IFT57: variants seen among roughly 807,000 people sequenced by gnomAD.
IFT57 encodes the protein intraflagellar transport protein 57 homolog.
IFT57 carries 59 observed loss-of-function variants against 56.8 expected under a neutral mutation model. The observed-to-expected ratio is 1.04, with a 90% CI of 0.84 to 1.29. The LOEUF (loss-of-function observed/expected upper bound fraction) is 1.29, where lower values mean the gene tolerates loss of function less well. Among genes scored for constraint, IFT57 ranks in the 50% most tolerant of loss-of-function variants. The pLI is 0.00. For missense variants in IFT57, 470 were observed against 522.1 expected (o/e 0.90, Z 0.97); for synonymous variants, 209 against 186.1 (o/e 1.12, Z -1.00).
chr3:108,178,891 A>AATTCCAGTAGAAATGTGTAC (rs149033895), intron 6 of IFT57, among the ~76,000 whole-genome samples: 8 of 151,708 alleles, frequency 5.3e-5, no homozygotes, highest in African/African-American at 1.9e-4. Context: ...TCCTAGCAGA[A>AATTCCAGTAGAAATGTGTAC]ATTCCAGTAG....
intron 5 of IFT57, among the ~76,000 whole-genome samples, chr3:108,200,410 A>G (rs113024782): frequency 6.6e-6 from 1 of 152,234 alleles, no homozygotes; most frequent in African/African-American, 2.4e-5. Flanking sequence ...GATGAATCAG[A>G]CATATATTCA....
At chr3:108,167,653 T>C in intron 7 of IFT57, 140 bp downstream of exon 7, 1 of 375,806 alleles carries the variant, frequency 2.7e-6, no homozygotes. Context: ...GTAAGGTCAG[T>C]TGAAATGTAA....
chr3:108,208,204 G>T (rs1020065394), intron 4 of IFT57, among the ~76,000 whole-genome samples: 11 of 152,098 alleles, frequency 7.2e-5, no homozygotes, highest in East Asian at 5.8e-4. Flanking sequence ...TTTAGAGTGG[G>T]GTAGTAGGAC....
rs1360889131 is a variant in IFT57 at position 108,167,777 on chromosome 3, A to G, written c.849+16T>C. On this transcript the variant is annotated intron_variant, in intron 7 of 10. Transcript: ENST00000264538. The stretch of plus-strand genomic sequence containing the variant: ...TGAGTAAATGTACATTGATTCACGT[A>G]AAGTAATTCATATACCTTGGTCTCC... The G allele has an allele frequency of 3.3e-6, 5 of 1,503,596 alleles. No homozygotes were observed. Among genetic ancestry groups the G allele is most frequent in the Middle Eastern group, 3.5e-4 (2 of 5,722 alleles). The allele number at this position is 1,503,596 out of a possible 1,614,324, so 93.1% of individuals were successfully genotyped here.
rs756409449 is a variant in IFT57, at chr3:108,166,893, C to T, written c.942G>A (p.Leu314=). The change falls in exon 8 of 11, where the codon TTG becomes TTA. Residue 314 remains leucine, a synonymous_variant. Transcript: ENST00000264538. ...CTTGAGCTGCACGATATTCTTGAAC[C>T]AAATTCTCAAGCTGATTGTTGATGT... ...EKYINNQLEN[L]VQEYRAAQAQ... is the part of the protein sequence containing the mutation. 1.6e-5 allele frequency: 26 copies of T among 1,611,246 alleles called. No homozygotes were observed. The highest frequency in any genetic ancestry group is 2.0e-5 in the Non-Finnish European group (24 of 1,178,400).
In IFT57 at chr3:108,167,177, G is replaced by C. The variant is rs1438612173; in HGVS notation, c.850-192C>G. ...TTTAACCACACTTAGAAGAGTTTTAGAATAAAAATGCACCTGGCAGTGTTA... is the reference window on the plus strand; with the variant it reads ...TTTAACCACACTTAGAAGAGTTTTACAATAAAAATGCACCTGGCAGTGTTA... On this transcript the variant is annotated intron_variant, in intron 7 of 10. Coordinates refer to ENST00000264538, the MANE Select transcript of IFT57 (RefSeq NM_018010.4). The C allele has an allele frequency of 5.8e-6, 3 of 520,964 alleles. No homozygotes were observed. The African/African-American group carries it at 5.8e-5, about 10-fold the overall frequency. 32.3% of individuals were successfully genotyped at this position (520,964 alleles called of 1,614,324 possible).
chr3:108,214,021 C>T lies in IFT57; in HGVS notation c.495G>A (p.Arg165=), dbSNP rs201220433. 2.3e-4 allele frequency: 356 copies of T among 1,561,370 alleles called. 2 individuals are homozygous for T. The highest frequency in any genetic ancestry group is 1.6e-5 in the Non-Finnish European group (18 of 1,134,220). The stretch of plus-strand genomic sequence containing the variant: ...CTAATTCTTCTACTGGGTATATTGG[C>T]CTAAAATAATAAGATTAAACATGAG... The part of the protein sequence containing the change: ...ALKYIGFTWK[R]PIYPVEELEE... The change falls in exon 4 of 11, where the codon AGG becomes AGA. Residue 165 remains arginine, a splice_region_variant and synonymous_variant. Coordinates refer to ENST00000264538, the MANE Select transcript of IFT57 (RefSeq NM_018010.4).
At chr3:108,165,570 G>T in intron 8 of IFT57, 77 bp from the exon 9 acceptor site, 1 of 1,070,822 alleles carries the variant, frequency 9.3e-7, no homozygotes, top group South Asian at 1.3e-5. Context: ...CTTTGTGTTT[G>T]CAATTTCTGC....
chr3:108,162,817 G>T (rs1176604876), intron 10 of IFT57, among the ~76,000 whole-genome samples, 162 bp from the exon 11 acceptor site: 1 of 152,098 alleles, frequency 6.6e-6, no homozygotes, highest in African/African-American at 2.4e-5. Context: ...GGCATTTTAA[G>T]CACCTGAGAT....
At chr3:108,203,869 T>C (rs1463613650) in intron 5 of IFT57, among the ~76,000 whole-genome samples, 1 of 152,160 alleles carries the variant, frequency 6.6e-6, no homozygotes, top group East Asian at 1.9e-4. Flanking sequence ...TTTAAAACCA[T>C]AGACAGGGAG....
At chr3:108,189,695 A>T (rs2080204290) in intron 6 of IFT57, among the ~76,000 whole-genome samples, 1 of 152,158 alleles carries the variant, frequency 6.6e-6, no homozygotes, top group Non-Finnish European at 1.5e-5. Flanking sequence ...AAGTCATTAC[A>T]GTTGACCCTC....
chr3:108,206,647 T>G lies in IFT57; in HGVS notation c.635A>C (p.Lys212Thr). The G allele has an allele frequency of 7.2e-7, 1 of 1,396,868 alleles. No homozygotes were observed. Among genetic ancestry groups the G allele is most frequent in the Non-Finnish European group, 9.5e-7 (1 of 1,050,392 alleles). The allele number at this position is 1,396,868 out of a possible 1,614,324, so 86.5% of individuals were successfully genotyped here. Reference protein sequence around the residue: ...EENFIDLNVLKAQTYHLDMNE... With the variant: ...EENFIDLNVLTAQTYHLDMNE... The stretch of plus-strand genomic sequence containing the variant: ...ACTTACCAAGTGATATGTCTGGGCC[T>G]TTAAAACGTTGAGATCAATAAAGTT... The change falls in exon 5 of 11, where the codon AAG (lysine) becomes ACG (threonine). Residue 212 changes from lysine (K) to threonine (T), a missense_variant. Physicochemically the swap from Lys to Thr is moderately conservative, Grantham distance 78. Coordinates refer to ENST00000264538, the MANE Select transcript of IFT57 (RefSeq NM_018010.4).
At chr3:108,221,421 T>TG (rs2080404853) in intron 1 of IFT57, among the ~76,000 whole-genome samples, 1 of 152,224 alleles carries the variant, frequency 6.6e-6, no homozygotes, top group African/African-American at 2.4e-5. Context: ...CAGGATATGT[T>TG]GGACTTTTCC....
chr3:108,162,348 T>C lies in IFT57; in HGVS notation c.*129A>G, dbSNP rs372611427. The C allele has an allele frequency of 3.2e-4, 192 of 606,876 alleles. 2 individuals are homozygous for C. The South Asian group carries it at 4.8e-3, about 15-fold the overall frequency. The allele number at this position is 606,876 out of a possible 1,614,324, so 37.6% of individuals were successfully genotyped here. Reference sequence around the variant, plus strand: ...TTTAACCATCATAATCACCATGATATAATATGTGAGTATGTATATGTAAAA... The same window carrying C: ...TTTAACCATCATAATCACCATGATACAATATGTGAGTATGTATATGTAAAA... On this transcript the variant is annotated 3_prime_UTR_variant, in exon 11 of 11. Transcript: ENST00000264538.
intron 5 of IFT57, among the ~76,000 whole-genome samples, chr3:108,192,133 C>G (rs778304587): frequency 9.5e-5 from 12 of 126,890 alleles, no homozygotes; most frequent in Non-Finnish European, 1.9e-4. Context: ...GATCATGCTA[C>G]TGCACTACTC....
intron 3 of IFT57, among the ~76,000 whole-genome samples, chr3:108,217,634 TA>T (rs1214016655): frequency 6.6e-6 from 1 of 151,680 alleles, no homozygotes; most frequent in Non-Finnish European, 1.5e-5. Flanking sequence ...TAAAAGAATA[TA>T]ATTGAATATA....
chr3:108,222,193 T>A lies in IFT57; in HGVS notation c.130A>T (p.Met44Leu). 2 of 1,614,058 alleles carry A rather than the reference T, an allele frequency of 1.2e-6. No homozygotes were observed. The highest frequency in any genetic ancestry group is 1.6e-4 in the Middle Eastern group (1 of 6,062). ...PGAAYHMFVV[M>L]EDLVEKLKLL... ...TTCAGCTTCTCCACCAAGTCCTCCATCACCACGAACATGTGGTAGGCCGCG... is the reference window on the plus strand; with the variant it reads ...TTCAGCTTCTCCACCAAGTCCTCCAACACCACGAACATGTGGTAGGCCGCG... The change falls in exon 1 of 11, where the codon ATG becomes TTG. Residue 44 changes from methionine to leucine, a missense_variant. Met to Leu is a conservative substitution (Grantham distance 15). Coordinates refer to ENST00000264538, the MANE Select transcript of IFT57 (RefSeq NM_018010.4).
chr3:108,183,493 C>G (rs893309175), intron 6 of IFT57, among the ~76,000 whole-genome samples: 3 of 152,146 alleles, frequency 2.0e-5, no homozygotes, highest in Admixed American at 1.3e-4. Flanking sequence ...AAATATCCTC[C>G]CCTCCCTTAA....
intron 6 of IFT57, 131 bp from the exon 7 acceptor site, chr3:108,167,995 G>T: frequency 2.0e-6 from 1 of 493,098 alleles, no homozygotes; most frequent in Non-Finnish European, 3.6e-6. Context: ...CCTATTTATA[G>T]CTTGCAATCA....
Sources: gnomAD v4.1 joint callset for allele counts (sites outside exome capture counted in the v4.1 genomes callset) on GRCh38, gnomAD v4.1.1 for gene constraint, MANE v1.5 for transcripts, NCBI Gene and HGNC (gene_info 2026-07-23, HGNC 2026-07-21) for gene names.